The following MYT1L variants were observed in gnomAD, a reference collection of about 807,000 sequenced individuals.
MYT1L encodes the protein myelin transcription factor 1 like.
A neutral mutation model predicts 126.7 loss-of-function variants in MYT1L; 12 were observed. That is an observed-to-expected ratio of 0.09 (90% confidence interval 0.06 to 0.15). The LOEUF (loss-of-function observed/expected upper bound fraction) is 0.15, where lower values mean the gene tolerates loss of function less well. MYT1L is among the 10% of genes least tolerant of loss of function. The pLI is 1.00. For synonymous variants in MYT1L, 541 were observed against 604.2 expected, an observed-to-expected ratio of 0.90 and a Z score of 1.53; for missense variants, 979 against 1,585.2, an observed-to-expected ratio of 0.62 and a Z score of 6.49.
At chr2:2,274,192 C>T (rs2095317029) in intron 2 of MYT1L, among the ~76,000 whole-genome samples, 1 of 151,928 alleles carries the variant, frequency 6.6e-6, no homozygotes, top group Non-Finnish European at 1.5e-5. Context: ...TGATGGTTAT[C>T]CAATATCCTG....
intron 19 of MYT1L, among the ~76,000 whole-genome samples, chr2:1,850,069 A>G (rs2148509917): frequency 6.6e-6 from 1 of 150,970 alleles, no homozygotes; most frequent in Non-Finnish European, 1.5e-5. Flanking sequence ...CAGTGTCTTT[A>G]ACTCTCCTAG....
chr2:2,041,584 G>C (rs540921259), intron 4 of MYT1L, among the ~76,000 whole-genome samples: 14 of 152,258 alleles, frequency 9.2e-5, no homozygotes, highest in Admixed American at 9.2e-4. Flanking sequence ...TGCTTCTGGG[G>C]CAGAGAGTGT....
At chr2:1,864,523 A>G (rs951862725) in intron 18 of MYT1L, among the ~76,000 whole-genome samples, 1 of 151,896 alleles carries the variant, frequency 6.6e-6, no homozygotes, top group African/African-American at 2.4e-5. Context: ...TTTGCTGGAC[A>G]CTCCCCAGGG....
In MYT1L at chr2:2,071,907, G is replaced by A. The variant is rs185340590; in HGVS notation, c.-303-17784C>T. Among the ~76,000 whole-genome samples, 175 of 152,318 alleles carry A rather than the reference G, an allele frequency of 1.1e-3. 1 individual carries two copies. Among genetic ancestry groups the A allele is most frequent in the African/African-American group, 3.9e-3 (163 of 41,566 alleles). Reference sequence around the variant, plus strand: ...CAGAGACCAGAGGCACTGAAGAGCTGTGGGCGAGGAGGGAGAGCAGATTTT... The same window carrying A: ...CAGAGACCAGAGGCACTGAAGAGCTATGGGCGAGGAGGGAGAGCAGATTTT... On this transcript the variant is annotated intron_variant, in intron 3 of 24. Transcript: ENST00000647738.
chr2:1,799,261 T>A (rs944273713), intron 23 of MYT1L, among the ~76,000 whole-genome samples: 1 of 152,206 alleles, frequency 6.6e-6, no homozygotes, highest in Admixed American at 6.5e-5. Context: ...AAGGAGCCAG[T>A]GAGAACAGAC....
chr2:2,043,551 TC>T (rs1359661944), intron 4 of MYT1L, among the ~76,000 whole-genome samples: 2 of 152,158 alleles, frequency 1.3e-5, no homozygotes, highest in African/African-American at 4.8e-5. Context: ...CAGTTCCCCT[TC>T]CATTCTTTCC....
At position 1,806,976 on chromosome 2, in the gene MYT1L, G is replaced by A. The variant is rs181274165; in HGVS notation, c.3172+2100C>T. Among the ~76,000 whole-genome samples, 71 of 152,328 alleles carry A rather than the reference G, an allele frequency of 4.7e-4. No homozygotes were observed. The highest frequency in any genetic ancestry group is 1.6e-3 in the African/African-American group (68 of 41,572). On this transcript the variant is annotated intron_variant, in intron 22 of 24. Coordinates refer to ENST00000647738, the MANE Select transcript of MYT1L (RefSeq NM_001303052.2). This position sits in a 1 kb window ranked among gnomAD's most constrained non-coding sequence, Gnocchi z 4.9. ...TCTTTCTGGCAAGGAGCACTGCTCC[G>A]TAATAACTAGAAAGCGAAAGTTGGC...
At chr2:1,812,416 A>G (rs781006123) in intron 21 of MYT1L, among the ~76,000 whole-genome samples, 1 of 152,182 alleles carries the variant, frequency 6.6e-6, no homozygotes, top group Non-Finnish European at 1.5e-5. Context: ...CTGGAGATGG[A>G]ATAGGTGCCC....
chr2:2,287,255 G>GA (rs559003508), intron 1 of MYT1L, among the ~76,000 whole-genome samples: 16 of 148,124 alleles, frequency 1.1e-4, no homozygotes, highest in South Asian at 4.3e-4. Context: ...AACTCCGTCT[G>GA]AAAAAAAAAA....
chr2:2,259,663 G>T (rs888581526), intron 2 of MYT1L, among the ~76,000 whole-genome samples: 2 of 152,042 alleles, frequency 1.3e-5, no homozygotes. Context: ...ACTGACCCTC[G>T]TCTTATAGAA....
intron 2 of MYT1L, among the ~76,000 whole-genome samples, chr2:2,282,435 G>A (rs2095460812): frequency 6.6e-6 from 1 of 152,194 alleles, no homozygotes; most frequent in African/African-American, 2.4e-5. Flanking sequence ...TGTAATGGCA[G>A]ACCGTTCAAA....
At chr2:2,077,361 A>G (rs1379364914) in intron 3 of MYT1L, among the ~76,000 whole-genome samples, 1 of 152,226 alleles carries the variant, frequency 6.6e-6, no homozygotes, top group Admixed American at 6.5e-5. Flanking sequence ...AATTCAATGT[A>G]GAATATACAT....
intron 8 of MYT1L, among the ~76,000 whole-genome samples, chr2:1,966,691 C>A (rs1170553594): frequency 6.6e-6 from 1 of 151,726 alleles, no homozygotes; most frequent in Non-Finnish European, 1.5e-5. Context: ...AACATTACAG[C>A]CACAGGATGA....
Position 2,228,593 on chromosome 2 carries a change from A to G in MYT1L, c.-420-55605T>C, listed in dbSNP as rs1439357747. Among the ~76,000 whole-genome samples the G allele has an allele frequency of 2.0e-5, 3 of 152,196 alleles. No individual in the cohort carries two copies. The highest frequency in any genetic ancestry group is 7.2e-5 in the African/African-American group (3 of 41,456). On this transcript the variant is annotated intron_variant, in intron 2 of 24. Transcript: ENST00000647738. The surrounding 1 kb of genome is among the most constrained non-coding windows in gnomAD (Gnocchi z 5.9). ...TATAAATTCTTGAGTTGAAAGATTA[A>G]AAGCAAAAATTTTAAGCTAATAATA...
chr2:2,286,297 T>C lies in MYT1L; in HGVS notation c.-520-1794A>G, dbSNP rs2095519762. Reference sequence around the variant, plus strand: ...ACACCCGGCCTGTTCTTCATTCTTCTAAAAGGAAGCATTGAGCATTTGTGA... The same window carrying C: ...ACACCCGGCCTGTTCTTCATTCTTCCAAAAGGAAGCATTGAGCATTTGTGA... On this transcript the variant is annotated intron_variant, in intron 1 of 24. Coordinates refer to ENST00000647738, the MANE Select transcript of MYT1L (RefSeq NM_001303052.2). Among the ~76,000 whole-genome samples the C allele has an allele frequency of 2.6e-5, 4 of 152,296 alleles. No individual in the cohort carries two copies. In the South Asian group the frequency reaches 8.3e-4, roughly 32 times the overall value.
At chr2:2,262,100 A>G (rs2094983052) in intron 2 of MYT1L, among the ~76,000 whole-genome samples, 1 of 152,180 alleles carries the variant, frequency 6.6e-6, no homozygotes, top group Non-Finnish European at 1.5e-5. Flanking sequence ...TGTATTTTTT[A>G]CATTTTTTCA....
At chr2:2,158,618 AACACACAC>A (rs74164556) in intron 3 of MYT1L, among the ~76,000 whole-genome samples, 23 of 144,380 alleles carry the variant, frequency 1.6e-4, no homozygotes, top group African/African-American at 4.3e-4. Context: ...CCATGGCATA[AACACACAC>A]ACACACACAC....
intron 3 of MYT1L, among the ~76,000 whole-genome samples, chr2:2,109,912 T>TAG (rs1446646984): frequency 7.6e-6 from 1 of 131,228 alleles, no homozygotes; most frequent in Non-Finnish European, 1.7e-5. Context: ...TATATATATA[T>TAG]ATATATATAT....
chr2:2,115,975 G>A (rs577491019), intron 3 of MYT1L, among the ~76,000 whole-genome samples: 1,614 of 150,534 alleles, frequency 0.011, 44 homozygotes, highest in African/African-American at 0.037. Context: ...TCCAGTCGAC[G>A]AAAACAGGAC....
Sources: gnomAD v4.1 joint callset for allele counts (sites outside exome capture counted in the v4.1 genomes callset) on GRCh38, gnomAD v4.1.1 for gene constraint, Gnocchi (gnomAD v3.1) non-coding constraint, MANE v1.5 for transcripts, NCBI Gene and HGNC (gene_info 2026-07-23, HGNC 2026-07-21) for gene names.